ICAM2: variants seen among roughly 807,000 people sequenced by gnomAD.
ICAM2 encodes the protein intercellular adhesion molecule 2.
A neutral mutation model predicts 19.1 loss-of-function variants in ICAM2; 14 were observed. The ratio of observed to expected loss-of-function variants is 0.73; its 90% CI spans 0.48 to 1.15. The LOEUF (loss-of-function observed/expected upper bound fraction) is 1.15. ICAM2 is among the 50% of genes most tolerant of loss of function. ICAM2 has a pLI of 0.00. For synonymous variants in ICAM2, 153 were observed against 152.7 expected, an observed-to-expected ratio of 1.00 and a Z score of -0.01; for missense variants, 311 against 355.4, an observed-to-expected ratio of 0.88 and a Z score of 1.00.
Position 64,002,786 on chromosome 17 carries a change from T to C in ICAM2, c.789A>G (p.Arg263=). The C allele has an allele frequency of 6.2e-7, 1 of 1,613,288 alleles. No individual in the cohort carries two copies. The highest frequency in any genetic ancestry group is 8.5e-7 in the Non-Finnish European group (1 of 1,179,968). ...RQQRMGTYGV[R]AAWRRLPQAF... ...CCTGGGGCAGCCTCCTCCAAGCCGC[T>C]CGCACCCCGTAGGTGCCCATCCGCT... Residue 263 remains arginine, a synonymous_variant, in exon 5 of 5, where the codon CGA becomes CGG. Transcript: ENST00000579788.
intron 3 of ICAM2, chr17:64,004,714 T>TA (rs1911083618): frequency 3.2e-6 from 1 of 315,674 alleles, no homozygotes; most frequent in Non-Finnish European, 6.2e-6. Flanking sequence ...GAGGGGAAGA[T>TA]AAAAACCCTG....
chr17:64,011,478 C>A (rs985367843), intron 1 of ICAM2, among the ~76,000 whole-genome samples: 1 of 152,166 alleles, frequency 6.6e-6, no homozygotes, highest in East Asian at 1.9e-4. Flanking sequence ...AGAGGACATA[C>A]AAATGGCCAA....
intron 1 of ICAM2, among the ~76,000 whole-genome samples, chr17:64,018,847 G>T (rs770966464): frequency 8.1e-5 from 12 of 147,594 alleles, no homozygotes; most frequent in Non-Finnish European, 1.8e-4. Context: ...TCAGTCTCCC[G>T]AATAGCTGAA....
Position 64,003,645 on chromosome 17 carries a change from A to G in ICAM2, c.648T>C (p.Tyr216=). The part of the protein sequence containing the change: ...KHSAPKMLEI[Y]EPVSDSQMVI... ...CTCCATCCACGGATCCCCCCTCACC[A>G]TAGATCTCCAACATCTTCGGGGCTG... The change falls in exon 4 of 5, where the codon TAT becomes TAC. Residue 216 remains tyrosine (Y), a splice_region_variant and synonymous_variant. Coordinates refer to ENST00000579788, the MANE Select transcript of ICAM2 (RefSeq NM_001099789.2). 6.2e-7 allele frequency: 1 copy of G among 1,612,144 alleles called. No individual in the cohort carries two copies. The highest frequency in any genetic ancestry group is 8.5e-7 in the Non-Finnish European group (1 of 1,178,838).
At chr17:64,005,035 G>T (rs1212442354) in intron 3 of ICAM2, 72 bp downstream of exon 3, 1 of 1,527,138 alleles carries the variant, frequency 6.5e-7, no homozygotes. Context: ...GGCACAGAGG[G>T]GCTCTGTGTG....
chr17:64,010,997 A>G (rs1911427731), intron 1 of ICAM2, among the ~76,000 whole-genome samples: 1 of 152,100 alleles, frequency 6.6e-6, no homozygotes, highest in Admixed American at 6.6e-5. Context: ...TATATAAGAA[A>G]CTCAAACAAC....
Position 64,005,171 on chromosome 17 carries a change from G to T in ICAM2, c.264C>A (p.Val88=). The T allele has an allele frequency of 6.2e-7, 1 of 1,614,108 alleles. No individual in the cohort carries two copies. Among genetic ancestry groups the T allele is most frequent in the Non-Finnish European group, 8.5e-7 (1 of 1,179,990 alleles). ...CGGAGCAGGTGAAGTGGCATTGGAGGACCGTGTCATGGGAGATGTTTGAGA... is the reference window on the plus strand; with the variant it reads ...CGGAGCAGGTGAAGTGGCATTGGAGTACCGTGTCATGGGAGATGTTTGAGA... ...YLVSNISHDT[V]LQCHFTCSGK... is the part of the protein sequence containing the mutation. Residue 88 remains valine, a synonymous_variant, in exon 3 of 5, where the codon GTC becomes GTA. Coordinates refer to ENST00000579788, the MANE Select transcript of ICAM2 (RefSeq NM_001099789.2).
chr17:64,019,226 A>C (rs933899819), intron 1 of ICAM2, among the ~76,000 whole-genome samples: 3 of 152,178 alleles, frequency 2.0e-5, no homozygotes, highest in African/African-American at 7.2e-5. Context: ...TAAAATAAAA[A>C]TAAATAGGCA....
At position 64,005,324 on chromosome 17, in the gene ICAM2, C is replaced by T. The variant is rs538371118; in HGVS notation, c.111G>A (p.Ala37=). 1.4e-5 allele frequency: 23 copies of T among 1,614,108 alleles called. No homozygotes were observed. The highest frequency in any genetic ancestry group is 8.3e-5 in the Admixed American group (5 of 59,994). Reference sequence around the variant, plus strand: ...CCTCGAGGGACCCTTTGGGCTCAACCGCCAGCTTCTTTGGCCTCACGTGTA... The same window carrying T: ...CCTCGAGGGACCCTTTGGGCTCAACTGCCAGCTTCTTTGGCCTCACGTGTA... ...FEVHVRPKKL[A]VEPKGSLEVN... The change falls in exon 3 of 5, where the codon GCG becomes GCA. Residue 37 remains alanine (A), a synonymous_variant. Transcript: ENST00000579788.
At position 64,002,895 on chromosome 17, in the gene ICAM2, A is replaced by G. The variant is rs767395004; in HGVS notation, c.680T>C (p.Ile227Thr). The G allele has an allele frequency of 1.2e-6, 2 of 1,613,710 alleles. No individual in the cohort carries two copies. Among genetic ancestry groups the G allele is most frequent in the Non-Finnish European group, 8.5e-7 (1 of 1,179,918 alleles). ...EPVSDSQMVIIVTVVSVLLSL... is the reference protein window; with the variant it reads ...EPVSDSQMVITVTVVSVLLSL... ...CAGCAACACCGACACCACCGTGACT[A>G]TGATGACCATCTGGCTGTCCGACAC... Residue 227 changes from isoleucine to threonine, a missense_variant, in exon 5 of 5, where the codon ATA becomes ACA. Ile to Thr is a moderately conservative substitution (Grantham distance 89, BLOSUM62 -1). Transcript: ENST00000579788.
chr17:64,007,723 C>T (rs1178506499), intron 1 of ICAM2: 1 of 152,300 alleles, frequency 6.6e-6, no homozygotes, highest in Non-Finnish European at 1.5e-5. Flanking sequence ...AAACCATGGC[C>T]TTCATTTCCT....
rs1348224488 is a variant in ICAM2 at position 64,005,213 on chromosome 17, C to T, written c.222G>A (p.Gln74=). The T allele has an allele frequency of 1.9e-6, 3 of 1,614,060 alleles. No individual in the cohort carries two copies. The African/African-American group carries it at 4.0e-5, about 22-fold the overall frequency. ...LDKILLDEQA[Q]WKHYLVSNIS... is the part of the protein sequence containing the mutation. Reference sequence around the variant, plus strand: ...TGTTTGAGACCAAGTAATGTTTCCACTGAGCCTGTTCGTCCAGCAGAATCT... The same window carrying T: ...TGTTTGAGACCAAGTAATGTTTCCATTGAGCCTGTTCGTCCAGCAGAATCT... Residue 74 remains glutamine, a synonymous_variant, in exon 3 of 5, where the codon CAG becomes CAA. Transcript: ENST00000579788.
Position 64,005,311 on chromosome 17 carries a change from C to CT in ICAM2, c.123dup (p.Gly42ArgfsTer12). The stretch of plus-strand genomic sequence containing the variant: ...GTGCTGCAGTTGACCTCGAGGGACC[C>CT]TTTGGGCTCAACCGCCAGCTTCTTT... On this transcript the variant is annotated frameshift_variant, in exon 3 of 5. Coordinates refer to ENST00000579788, the MANE Select transcript of ICAM2 (RefSeq NM_001099789.2). LOFTEE classifies it high-confidence loss of function. 1 of 1,614,150 alleles carries CT rather than the reference C, an allele frequency of 6.2e-7. No homozygotes were observed. The highest frequency in any genetic ancestry group is 1.1e-5 in the South Asian group (1 of 91,076).
intron 1 of ICAM2, 177 bp from the exon 2 acceptor site, chr17:64,006,912 G>A (rs1221040144): frequency 1.7e-6 from 1 of 590,320 alleles, no homozygotes; most frequent in Non-Finnish European, 3.0e-6. Flanking sequence ...GGAAGCTGCT[G>A]ATAAGCAGGG....
At chr17:64,005,523 G>A in intron 2 of ICAM2, 150 bp from the exon 3 acceptor site, 1 of 892,828 alleles carries the variant, frequency 1.1e-6, no homozygotes, top group Non-Finnish European at 1.7e-6. Context: ...CTTGTCAGGT[G>A]TCATGGCCCC....
chr17:64,020,103 G>A (rs1911889692), intron 1 of ICAM2, among the ~76,000 whole-genome samples: 1 of 152,058 alleles, frequency 6.6e-6, no homozygotes, highest in Non-Finnish European at 1.5e-5. Context: ...GTGAGTGACT[G>A]AGATTCATTA....
At chr17:64,014,264 A>G in intron 1 of ICAM2, among the ~76,000 whole-genome samples, 1 of 149,160 alleles carries the variant, frequency 6.7e-6, no homozygotes, top group East Asian at 2.0e-4. Context: ...GCCCCTGCCC[A>G]GGAATTTGAG....
intron 4 of ICAM2, 57 bp downstream of exon 4, chr17:64,003,587 C>T: frequency 6.6e-7 from 1 of 1,524,296 alleles, no homozygotes; most frequent in South Asian, 1.2e-5. Context: ...TTTTTCTTCC[C>T]CCGAGGGGCT....
chr17:64,004,216 C>A, intron 3 of ICAM2: 1 of 499,016 alleles, frequency 2.0e-6, no homozygotes, highest in South Asian at 3.2e-5. Flanking sequence ...GTACAGCCAA[C>A]TGGAAAGATA....
Sources: allele counts gnomAD v4.1 joint callset (sites outside exome capture counted in the v4.1 genomes callset), GRCh38; gene constraint gnomAD v4.1.1; transcripts MANE v1.5; gene names NCBI Gene and HGNC (gene_info 2026-07-23, HGNC 2026-07-21).